The following CSNK1G3 variants were observed in gnomAD, a reference collection of about 807,000 sequenced individuals.
CSNK1G3 encodes casein kinase 1 gamma 3.
A neutral mutation model predicts 64.3 loss-of-function variants in CSNK1G3; 23 were observed. That is an observed-to-expected ratio of 0.36 (90% confidence interval 0.26 to 0.51). CSNK1G3 has a LOEUF of 0.51. CSNK1G3 is among the 20% of genes least tolerant of loss of function. The probability of loss-of-function intolerance (pLI) is 0.96; values close to 1 mark genes in which losing one functional copy is unlikely to be tolerated. For synonymous variants in CSNK1G3, 158 were observed against 162.2 expected (o/e 0.97, Z 0.20); for missense variants, 357 against 510.5 (o/e 0.70, Z 2.90).
intron 1 of CSNK1G3, among the ~76,000 whole-genome samples, chr5:123,513,024 G>A (rs953579209): frequency 3.9e-5 from 6 of 152,134 alleles, no homozygotes; most frequent in Admixed American, 3.9e-4. Context: ...AAGGAGGCAT[G>A]GATAGGCTGG....
In CSNK1G3 at chr5:123,614,300, T is replaced by TTAAAA. The variant is rs771062108; in HGVS notation, c.1218-40_1218-39insAAATA. ...GTGATACAGTCAACTTTGTGATATTTTAGTGCTTTTAAAATAAAAAGAGTG... is the reference window on the plus strand; with the variant it reads ...GTGATACAGTCAACTTTGTGATATTTTAAAATAGTGCTTTTAAAATAAAAAGAGTG... On this transcript the variant is annotated intron_variant, in intron 12 of 12. Transcript: ENST00000345990. 6.1e-4 allele frequency: 973 copies of TTAAAA among 1,588,536 alleles called. 9 individuals are homozygous for TTAAAA. The highest frequency in any genetic ancestry group is 1.3e-4 in the Non-Finnish European group (156 of 1,164,810).
chr5:123,522,928 A>G (rs1778384232), intron 1 of CSNK1G3, among the ~76,000 whole-genome samples: 1 of 152,228 alleles, frequency 6.6e-6, no homozygotes, highest in African/African-American at 2.4e-5. Flanking sequence ...TTTATCAAAT[A>G]TAAATTAAGG....
chr5:123,550,869 AC>A (rs1783513963), intron 2 of CSNK1G3, among the ~76,000 whole-genome samples: 1 of 152,204 alleles, frequency 6.6e-6, no homozygotes, highest in Non-Finnish European at 1.5e-5. Flanking sequence ...ATGCTAGGTG[AC>A]AAAAATGCAC....
chr5:123,522,197 C>T (rs1778229224), intron 1 of CSNK1G3, among the ~76,000 whole-genome samples: 2 of 152,006 alleles, frequency 1.3e-5, no homozygotes, highest in South Asian at 4.2e-4. Context: ...AGATTCGTTC[C>T]AGGACCCCTC....
chr5:123,581,661 A>G (rs1057491235), intron 6 of CSNK1G3, among the ~76,000 whole-genome samples: 10 of 151,472 alleles, frequency 6.6e-5, no homozygotes, highest in African/African-American at 4.8e-5. Context: ...ATTGTCTTGC[A>G]TAATTGTGTT....
At chr5:123,597,874 T>C (rs187015992) in intron 10 of CSNK1G3, among the ~76,000 whole-genome samples, 11 of 152,300 alleles carry the variant, frequency 7.2e-5, no homozygotes, top group Admixed American at 7.2e-4. Flanking sequence ...AAAAAGTATT[T>C]AGCATAGATG....
intron 3 of CSNK1G3, among the ~76,000 whole-genome samples, chr5:123,555,896 G>A (rs1193254996): frequency 1.3e-5 from 2 of 152,118 alleles, no homozygotes; most frequent in South Asian, 2.1e-4. Flanking sequence ...GTACTTCTAG[G>A]TAGTTAACTG....
Position 123,528,265 on chromosome 5 carries a change from C to T in CSNK1G3, c.-248+15695C>T, listed in dbSNP as rs536877657. Reference sequence around the variant, plus strand: ...ACCTTTGATTTGTGGAGTGTTATTCCACCTGTAGTATCTCTTAGAGCTATA... The same window carrying T: ...ACCTTTGATTTGTGGAGTGTTATTCTACCTGTAGTATCTCTTAGAGCTATA... On this transcript the variant is annotated intron_variant, in intron 1 of 12. Transcript: ENST00000345990. Among the ~76,000 whole-genome samples, 5 of 152,102 alleles carry T rather than the reference C, an allele frequency of 3.3e-5. No individual in the cohort carries two copies. The East Asian group carries it at 9.6e-4, about 29-fold the overall frequency.
chr5:123,580,142 A>G (rs1225492621), intron 6 of CSNK1G3, among the ~76,000 whole-genome samples: 2 of 151,880 alleles, frequency 1.3e-5, no homozygotes, highest in East Asian at 3.8e-4. Flanking sequence ...TGCGTATCTT[A>G]TTTCTGCCCT....
intron 1 of CSNK1G3, among the ~76,000 whole-genome samples, chr5:123,517,305 G>T (rs1248104579): frequency 6.6e-6 from 1 of 152,064 alleles, no homozygotes; most frequent in Non-Finnish European, 1.5e-5. Context: ...ATTCCCCCCA[G>T]TTACTGTAGA....
At chr5:123,590,783 A>C (rs1792192470) in intron 9 of CSNK1G3, among the ~76,000 whole-genome samples, 1 of 151,984 alleles carries the variant, frequency 6.6e-6, no homozygotes, top group African/African-American at 2.4e-5. Flanking sequence ...GTTACTTTTA[A>C]CTTTTCATCC....
At chr5:123,553,937 A>G (rs548382457) in intron 3 of CSNK1G3, among the ~76,000 whole-genome samples, 47 of 152,264 alleles carry the variant, frequency 3.1e-4, no homozygotes, top group Middle Eastern at 3.4e-3. Flanking sequence ...TCTTATATAC[A>G]TACACATATA....
At chr5:123,581,758 C>G (rs1790333724) in intron 6 of CSNK1G3, among the ~76,000 whole-genome samples, 1 of 151,152 alleles carries the variant, frequency 6.6e-6, no homozygotes, top group African/African-American at 2.4e-5. Context: ...CTCAATGAAT[C>G]TTGAGGAAGA....
At chr5:123,599,076 C>T (rs570987588) in intron 10 of CSNK1G3, among the ~76,000 whole-genome samples, 1 of 152,156 alleles carries the variant, frequency 6.6e-6, no homozygotes, top group Non-Finnish European at 1.5e-5. Flanking sequence ...TAGTAGTAAT[C>T]TCTAATTCCA....
chr5:123,592,489 T>C (rs1222363299), intron 10 of CSNK1G3, among the ~76,000 whole-genome samples: 1 of 151,990 alleles, frequency 6.6e-6, no homozygotes, highest in Non-Finnish European at 1.5e-5. Context: ...AAAAGTTTTA[T>C]CGAAGACATC....
intron 1 of CSNK1G3, among the ~76,000 whole-genome samples, chr5:123,542,587 C>A (rs140862001): frequency 3.9e-5 from 6 of 152,052 alleles, no homozygotes; most frequent in African/African-American, 1.4e-4. Flanking sequence ...CTTTTTTTCT[C>A]CCTGTTTTGA....
intron 6 of CSNK1G3, among the ~76,000 whole-genome samples, chr5:123,579,742 A>G (rs947477952): frequency 3.9e-5 from 6 of 152,066 alleles, no homozygotes; most frequent in Admixed American, 3.9e-4. Context: ...TATTATAATA[A>G]TCTCTCTTTA....
At chr5:123,540,684 G>C (rs1012045594) in intron 1 of CSNK1G3, among the ~76,000 whole-genome samples, 2 of 152,110 alleles carry the variant, frequency 1.3e-5, no homozygotes, top group South Asian at 4.1e-4. Context: ...CCAGGCTGCA[G>C]TGCAGTGACA....
At chr5:123,576,753 A>C (rs1428129087) in intron 6 of CSNK1G3, among the ~76,000 whole-genome samples, 1 of 152,052 alleles carries the variant, frequency 6.6e-6, no homozygotes, top group Non-Finnish European at 1.5e-5. Flanking sequence ...TCATGTTGGG[A>C]TCACTTGCTT....
Sources: gnomAD v4.1 joint callset for allele counts (sites outside exome capture counted in the v4.1 genomes callset) on GRCh38, gnomAD v4.1.1 for gene constraint, MANE v1.5 for transcripts, NCBI Gene and HGNC (gene_info 2026-07-23, HGNC 2026-07-21) for gene names.